The following STX2 variants were observed in gnomAD, a reference collection of about 807,000 sequenced individuals.
The protein encoded by STX2 is syntaxin 2.
STX2 carries 27 observed loss-of-function variants against 40.6 expected under a neutral mutation model. The observed-to-expected ratio is 0.66, with a 90% CI of 0.49 to 0.92. The LOEUF (loss-of-function observed/expected upper bound fraction) is 0.92, where lower values mean the gene tolerates loss of function less well. Ranked by LOEUF, STX2 falls within the 40% of genes least tolerant of loss-of-function variation. The probability of loss-of-function intolerance (pLI) is 0.00; values close to 1 mark genes in which losing one functional copy is unlikely to be tolerated. For synonymous variants in STX2, 123 were observed against 119.1 expected (o/e 1.03, Z -0.22); for missense variants, 328 against 366.1 (o/e 0.90, Z 0.85).
intron 3 of STX2, among the ~76,000 whole-genome samples, chr12:130,816,470 G>A (rs1427369590): frequency 1.3e-5 from 2 of 152,208 alleles, no homozygotes; most frequent in African/African-American, 4.8e-5. Flanking sequence ...GTCTGATCCT[G>A]CAAGCTGCAG....
chr12:130,815,100 GA>G (rs1421692424), intron 3 of STX2, among the ~76,000 whole-genome samples: 2 of 152,042 alleles, frequency 1.3e-5, no homozygotes, highest in Admixed American at 6.6e-5. Context: ...AAAAAACAAA[GA>G]AAAATTATTC....
chr12:130,808,565 G>A, intron 5 of STX2, 66 bp downstream of exon 5: 2 of 1,352,604 alleles, frequency 1.5e-6, no homozygotes, highest in Non-Finnish European at 1.0e-6. Context: ...TTCAGAGTCT[G>A]CAAGAAGAAA....
chr12:130,830,338 C>A (rs1017227701), intron 1 of STX2, among the ~76,000 whole-genome samples: 7 of 152,176 alleles, frequency 4.6e-5, no homozygotes, highest in African/African-American at 1.7e-4. Context: ...GATGCACCCC[C>A]CACAGTGGCG....
chr12:130,816,367 G>A (rs1951858850), intron 3 of STX2, among the ~76,000 whole-genome samples: 1 of 152,170 alleles, frequency 6.6e-6, no homozygotes, highest in South Asian at 2.1e-4. Flanking sequence ...TACACAGCAG[G>A]GGTGGGGGGC....
rs765852336 is a variant in STX2 at position 130,791,897 on chromosome 12, T to C, written c.*126A>G. 2 of 1,611,128 alleles carry C rather than the reference T, an allele frequency of 1.2e-6. No individual in the cohort carries two copies. Among genetic ancestry groups the C allele is most frequent in the African/African-American group, 1.3e-5 (1 of 74,974 alleles). ...AGGATAAATGGCTCTTGGGATATGG[T>C]TGCTAGGACAATGTTGTTGCTAGGA... On this transcript the variant is annotated 3_prime_UTR_variant, in exon 11 of 11. Transcript: ENST00000392373.
rs559784003 is a variant in STX2 at position 130,832,290 on chromosome 12, A to G, written c.31-5023T>C. ...TTCATCTTACTGCTGCATACACTCC[A>G]TTATATAAACAGCCATGAGGTAGCC... is the stretch of plus-strand genomic sequence containing the variant. On this transcript the variant is annotated intron_variant, in intron 1 of 10. Transcript: ENST00000392373. Among the ~76,000 whole-genome samples the G allele has an allele frequency of 2.0e-4, 30 of 151,996 alleles. No homozygotes were observed. In the South Asian group the frequency reaches 6.2e-3, roughly 32 times the overall value.
intron 1 of STX2, among the ~76,000 whole-genome samples, chr12:130,837,742 G>T (rs1017846276): frequency 5.9e-5 from 9 of 152,092 alleles, no homozygotes; most frequent in Non-Finnish European, 1.0e-4. Context: ...ATAAATACCT[G>T]AGCTCCTACT....
At chr12:130,816,586 C>T (rs547006308) in intron 3 of STX2, among the ~76,000 whole-genome samples, 1 of 152,276 alleles carries the variant, frequency 6.6e-6, no homozygotes, top group Admixed American at 6.5e-5. Flanking sequence ...CAGCTCAATC[C>T]TGCTGCTGAG....
chr12:130,800,736 A>G (rs1294710411), intron 8 of STX2, among the ~76,000 whole-genome samples: 1 of 152,218 alleles, frequency 6.6e-6, no homozygotes, highest in Non-Finnish European at 1.5e-5. Flanking sequence ...CCTTCTGTGG[A>G]TACTGTTTTA....
chr12:130,823,736 C>T (rs1054654863), intron 2 of STX2, among the ~76,000 whole-genome samples: 3 of 152,168 alleles, frequency 2.0e-5, no homozygotes, highest in African/African-American at 4.8e-5. Context: ...ACAGTGATTG[C>T]GGTGATTTTG....
chr12:130,828,588 C>T (rs1478972661), intron 1 of STX2, among the ~76,000 whole-genome samples: 1 of 151,464 alleles, frequency 6.6e-6, no homozygotes, highest in Non-Finnish European at 1.5e-5. Context: ...CAAAATGGGC[C>T]GGGCGCGGTG....
chr12:130,818,185 A>AAAAAAAATATATATATATATAT, intron 3 of STX2, among the ~76,000 whole-genome samples: 26 of 70,502 alleles, frequency 3.7e-4, no homozygotes, highest in Non-Finnish European at 5.0e-4. Context: ...AAAAAAAAAA[A>AAAAAAAATATATATATATATAT]ATATATATAT....
At chr12:130,805,088 C>T (rs529945087) in intron 6 of STX2, among the ~76,000 whole-genome samples, 68 of 152,262 alleles carry the variant, frequency 4.5e-4, no homozygotes, top group Non-Finnish European at 7.4e-4. Context: ...ACAGTGCAAC[C>T]GGCTGCCTGT....
In STX2 at chr12:130,811,357, C is replaced by CA. The variant is rs35156542; in HGVS notation, c.280+1599dup. On this transcript the variant is annotated intron_variant, in intron 4 of 10. Transcript: ENST00000392373. ...TGGGTGACAGAGTGAGACTCTGTCT[C>CA]AAAAAAAAAAAAAAAAAATCAGGAT... is the stretch of plus-strand genomic sequence containing the variant. Among the ~76,000 whole-genome samples, 770 of 98,404 alleles carry CA rather than the reference C, an allele frequency of 7.8e-3. 21 individuals are homozygous for CA. Among genetic ancestry groups the CA allele is most frequent in the African/African-American group, 0.025 (591 of 23,356 alleles). 64.6% of individuals were successfully genotyped at this position (98,404 alleles called of 152,430 possible). A position where few individuals can be genotyped will look rare whatever the true frequency, so the allele number is the denominator to read the frequency against.
intron 4 of STX2, chr12:130,812,199 T>C (rs570384771): frequency 3.0e-4 from 68 of 230,262 alleles, no homozygotes; most frequent in African/African-American, 1.5e-3. Context: ...GTAAGACCAC[T>C]GGGGAAATTC....
At chr12:130,805,098 T>A (rs929217076) in intron 6 of STX2, among the ~76,000 whole-genome samples, 5 of 152,216 alleles carry the variant, frequency 3.3e-5, no homozygotes, top group Admixed American at 2.6e-4. Context: ...CGGCTGCCTG[T>A]AATGATGACT....
chr12:130,827,144 G>C (rs759780763), intron 2 of STX2, 49 bp downstream of exon 2: 1 of 1,295,046 alleles, frequency 7.7e-7, no homozygotes, highest in Non-Finnish European at 1.1e-6. Context: ...GGGGGAGGGA[G>C]GGAGGACAGG....
intron 1 of STX2, among the ~76,000 whole-genome samples, chr12:130,837,747 C>A (rs1240442181): frequency 6.6e-6 from 1 of 152,096 alleles, no homozygotes; most frequent in East Asian, 1.9e-4. Flanking sequence ...TACCTGAGCT[C>A]CTACTACACG....
chr12:130,828,778 A>AGG (rs1952432503), intron 1 of STX2, among the ~76,000 whole-genome samples: 1 of 150,816 alleles, frequency 6.6e-6, no homozygotes, highest in African/African-American at 2.4e-5. Flanking sequence ...TGAGGCAGGA[A>AGG]AATGGCATGA....
Sources: allele counts gnomAD v4.1 joint callset (sites outside exome capture counted in the v4.1 genomes callset), GRCh38; gene constraint gnomAD v4.1.1; transcripts MANE v1.5; gene names NCBI Gene and HGNC (gene_info 2026-07-23, HGNC 2026-07-21).